Variants in TTC28 observed in about 807,000 individuals in gnomAD.
TTC28 encodes tetratricopeptide repeat domain 28.
In TTC28, 61 loss-of-function variants were observed where a neutral mutation model predicts 198.0. The ratio of observed to expected loss-of-function variants is 0.31; its 90% CI spans 0.25 to 0.38. TTC28 has a LOEUF of 0.38. TTC28 is among the 10% of genes least tolerant of loss of function. The pLI, the probability that TTC28 is intolerant of heterozygous loss-of-function variation, is 1.00. For synonymous variants in TTC28, 1,171 were observed against 1,297.8 expected (o/e 0.90, Z 2.10); for missense variants, 2,678 against 3,164.0 (o/e 0.85, Z 3.69).
intron 2 of TTC28, among the ~76,000 whole-genome samples, chr22:28,492,606 A>C (rs1206937599): frequency 1.3e-5 from 2 of 152,228 alleles, no homozygotes; most frequent in Non-Finnish European, 2.9e-5. Context: ...ATGCAGATTC[A>C]AGAAAGTTAA....
intron 13 of TTC28, among the ~76,000 whole-genome samples, chr22:28,020,113 A>G (rs1376191483): frequency 6.6e-6 from 1 of 152,214 alleles, no homozygotes; most frequent in Non-Finnish European, 1.5e-5. Flanking sequence ...GTGCCCTCCC[A>G]GCCGCTGTGT....
At chr22:28,036,384 A>G (rs1939346012) in intron 12 of TTC28, among the ~76,000 whole-genome samples, 1 of 152,238 alleles carries the variant, frequency 6.6e-6, no homozygotes, top group Admixed American at 6.5e-5. Context: ...CCGGACAACT[A>G]CATGGAAACT....
intron 2 of TTC28, among the ~76,000 whole-genome samples, chr22:28,593,469 C>A (rs367966751): frequency 3.4e-5 from 5 of 148,192 alleles, no homozygotes; most frequent in African/African-American, 7.4e-5. Flanking sequence ...AGGTAGGTAG[C>A]TAGGTAGGTA....
intron 2 of TTC28, among the ~76,000 whole-genome samples, chr22:28,493,047 T>TAAA (rs750347534): frequency 1.5e-4 from 10 of 66,328 alleles, no homozygotes; most frequent in African/African-American, 2.1e-4. Flanking sequence ...TTCACGATAC[T>TAAA]AAAAAAAAAA....
At chr22:28,035,589 C>A (rs1410070000) in intron 12 of TTC28, among the ~76,000 whole-genome samples, 3 of 152,184 alleles carry the variant, frequency 2.0e-5, no homozygotes, top group Non-Finnish European at 4.4e-5. Flanking sequence ...ACCATGGGCA[C>A]TTACTAGGTT....
intron 4 of TTC28, among the ~76,000 whole-genome samples, chr22:28,296,647 G>T (rs577154331): frequency 6.6e-6 from 1 of 152,132 alleles, no homozygotes; most frequent in Non-Finnish European, 1.5e-5. Context: ...CCCTGCTAAT[G>T]ACCTTTGATT....
chr22:28,071,747 G>GGAAAAAAAAAAAAAAAAA (rs1940982122), intron 12 of TTC28, among the ~76,000 whole-genome samples: 21 of 112,310 alleles, frequency 1.9e-4, no homozygotes, highest in Non-Finnish European at 2.8e-4. Flanking sequence ...AAAAAAAAAA[G>GGAAAAAAAAAAAAAAAAA]GAAAAAAAAA....
At chr22:28,439,399 G>C (rs552897844) in intron 2 of TTC28, among the ~76,000 whole-genome samples, 2 of 152,138 alleles carry the variant, frequency 1.3e-5, no homozygotes, top group Non-Finnish European at 2.9e-5. Flanking sequence ...TAGAAGTGAC[G>C]GAGCAAAGCT....
chr22:28,225,125 C>T (rs956711725), intron 5 of TTC28, among the ~76,000 whole-genome samples: 3 of 151,944 alleles, frequency 2.0e-5, no homozygotes, highest in African/African-American at 7.3e-5. Flanking sequence ...GTAATCCCAG[C>T]ACTTTGGGAG....
intron 2 of TTC28, among the ~76,000 whole-genome samples, chr22:28,395,861 T>C (rs894803567): frequency 1.3e-5 from 2 of 152,202 alleles, no homozygotes; most frequent in Non-Finnish European, 2.9e-5. Flanking sequence ...ATGGCTTATC[T>C]TTCATCAAAG....
chr22:28,526,080 G>A (rs181622746), intron 2 of TTC28, among the ~76,000 whole-genome samples: 7 of 152,238 alleles, frequency 4.6e-5, no homozygotes, highest in South Asian at 2.1e-4. Context: ...CTGTAAGTAC[G>A]GGACGGGGCT....
intron 12 of TTC28, among the ~76,000 whole-genome samples, chr22:28,066,328 C>T (rs928968018): frequency 4.7e-4 from 72 of 151,642 alleles, no homozygotes; most frequent in African/African-American, 1.3e-3. Context: ...TGTGTGCGCG[C>T]GCGCATGCAT....
intron 13 of TTC28, among the ~76,000 whole-genome samples, chr22:28,020,778 A>AACACACACACAC (rs34174077): frequency 6.7e-6 from 1 of 148,996 alleles, no homozygotes; most frequent in African/African-American, 2.5e-5. Context: ...CCCCTCCCCC[A>AACACACACACAC]ACACACACAC....
chr22:28,521,972 ACT>A (rs2048917464), intron 2 of TTC28, among the ~76,000 whole-genome samples: 1 of 152,038 alleles, frequency 6.6e-6, no homozygotes, highest in African/African-American at 2.4e-5. Flanking sequence ...TCCACCCAAC[ACT>A]CTGCCTAGTA....
chr22:27,993,779 C>A (rs1344408622), intron 17 of TTC28, among the ~76,000 whole-genome samples: 5 of 152,156 alleles, frequency 3.3e-5, no homozygotes, highest in Non-Finnish European at 7.4e-5. Context: ...CCTAAACCAA[C>A]CCCTTCCACA....
rs147709984 is a variant in TTC28, at chr22:28,479,640, G to A, written c.381+149912C>T. Among the ~76,000 whole-genome samples the A allele has an allele frequency of 2.0e-3, 300 of 152,040 alleles. 2 individuals carry two copies. The highest frequency in any genetic ancestry group is 6.8e-3 in the African/African-American group (280 of 41,444). ...ATAATTAATTAATAAACATTTTCACGGGGCAGTAGATAACAGGTGACAATC... is the reference window on the plus strand; with the variant it reads ...ATAATTAATTAATAAACATTTTCACAGGGCAGTAGATAACAGGTGACAATC... On this transcript the variant is annotated intron_variant, in intron 2 of 22. Transcript: ENST00000397906.
intron 2 of TTC28, among the ~76,000 whole-genome samples, chr22:28,333,104 A>G (rs1053279741): frequency 6.6e-6 from 1 of 152,168 alleles, no homozygotes; most frequent in African/African-American, 2.4e-5. Flanking sequence ...TAAATAGGCA[A>G]GACCAATGCA....
intron 2 of TTC28, among the ~76,000 whole-genome samples, chr22:28,585,499 T>C (rs1477948026): frequency 1.3e-5 from 2 of 152,172 alleles, no homozygotes; most frequent in Non-Finnish European, 2.9e-5. Context: ...ATGCAAGCGA[T>C]AGAGAGCGGC....
chr22:28,120,266 T>C (rs575311062), intron 6 of TTC28, among the ~76,000 whole-genome samples: 171 of 152,324 alleles, frequency 1.1e-3, no homozygotes, highest in Non-Finnish European at 1.9e-3. Flanking sequence ...TCTACCTGGA[T>C]ATACCTCAGA....
Sources: gnomAD v4.1 joint callset for allele counts (sites outside exome capture counted in the v4.1 genomes callset) on GRCh38, gnomAD v4.1.1 for gene constraint, MANE v1.5 for transcripts, NCBI Gene and HGNC (gene_info 2026-07-23, HGNC 2026-07-21) for gene names.